The following OSMR variants were observed in gnomAD, a reference collection of about 807,000 sequenced individuals.
The protein encoded by OSMR is oncostatin-M-specific receptor subunit beta.
In OSMR, 81 loss-of-function variants were observed where a neutral mutation model predicts 99.9. That is an observed-to-expected ratio of 0.81 (90% CI 0.68 to 0.97). OSMR has a LOEUF of 0.97. Ranked by LOEUF, OSMR falls within the 50% of genes least tolerant of loss-of-function variation. The probability of loss-of-function intolerance (pLI) is 0.00; values close to 1 mark genes in which losing one functional copy is unlikely to be tolerated. For synonymous variants in OSMR, 406 were observed against 410.4 expected (o/e 0.99, Z 0.13); for missense variants, 1,099 against 1,153.4 (o/e 0.95, Z 0.68).
At chr5:38,941,688 CAT>C (rs749916920) in intron 1 of OSMR, 1 of 232,102 alleles carries the variant, frequency 4.3e-6, no homozygotes, top group African/African-American at 2.2e-5. Context: ...AGTCTAGTAA[CAT>C]AAAAATAACT....
At chr5:38,921,522 C>G (rs562674951) in intron 11 of OSMR, 93 bp from the exon 12 acceptor site, 1 of 1,589,062 alleles carries the variant, frequency 6.3e-7, no homozygotes, top group African/African-American at 1.4e-5. Flanking sequence ...CTACTAGATA[C>G]AGTGCATGTA....
intron 9 of OSMR, among the ~76,000 whole-genome samples, chr5:38,910,843 T>C (rs1184499160): frequency 6.6e-6 from 1 of 152,074 alleles, no homozygotes; most frequent in African/African-American, 2.4e-5. Context: ...ACCCCATCTC[T>C]ACTAAAAAAT....
intron 7 of OSMR, among the ~76,000 whole-genome samples, chr5:38,899,035 A>G (rs536004991): frequency 2.4e-3 from 321 of 134,996 alleles, no homozygotes; most frequent in Non-Finnish European, 3.7e-3. Context: ...ATTTTAGCTC[A>G]CTGCAACCTC....
At chr5:38,882,829 CT>C (rs1176737741) in intron 4 of OSMR, among the ~76,000 whole-genome samples, 1 of 152,192 alleles carries the variant, frequency 6.6e-6, no homozygotes. Context: ...AAAAGGACTT[CT>C]TATCCTCGCT....
At chr5:38,932,774 A>G (rs1746819143) in intron 17 of OSMR, 98 bp from the exon 18 acceptor site, 1 of 1,565,746 alleles carries the variant, frequency 6.4e-7, no homozygotes, top group African/African-American at 1.4e-5. Context: ...CATGAAGAAC[A>G]TTGAAGCTCT....
chr5:38,936,927 T>C (rs1437707317), downstream of OSMR, among the ~76,000 whole-genome samples: 1 of 152,264 alleles, frequency 6.6e-6, no homozygotes, highest in African/African-American at 2.4e-5. Flanking sequence ...GAGTATTTTA[T>C]ATGCTAAAGT....
At chr5:38,922,779 T>G (rs1746295392) in intron 12 of OSMR, among the ~76,000 whole-genome samples, 1 of 152,106 alleles carries the variant, frequency 6.6e-6, no homozygotes, top group Non-Finnish European at 1.5e-5. Flanking sequence ...CATTCTTTTT[T>G]GGGGGGTGTG....
At chr5:38,901,432 C>T (rs989629693) in intron 7 of OSMR, among the ~76,000 whole-genome samples, 46 of 152,258 alleles carry the variant, frequency 3.0e-4, no homozygotes, top group Admixed American at 2.4e-3. Context: ...ATTTAATAAT[C>T]GAGCTCTGTT....
chr5:38,917,687 T>A (rs1745989008), intron 10 of OSMR, 65 bp downstream of exon 10: 1 of 1,307,070 alleles, frequency 7.7e-7, no homozygotes, highest in Non-Finnish European at 1.1e-6. Context: ...AACAAATGTG[T>A]CTTCCTCTGG....
intron 9 of OSMR, among the ~76,000 whole-genome samples, chr5:38,906,730 C>T (rs1473621495): frequency 1.3e-5 from 2 of 151,996 alleles, no homozygotes. Context: ...AAATAAAAAA[C>T]TTAAATGTCA....
chr5:38,925,403 A>G, intron 15 of OSMR, 32 bp downstream of exon 15: 1 of 1,586,856 alleles, frequency 6.3e-7, no homozygotes, highest in Admixed American at 1.7e-5. Flanking sequence ...TTCTTCCCTT[A>G]GGAGTTTCTG....
chr5:38,920,224 G>T (rs1746166731), intron 11 of OSMR, among the ~76,000 whole-genome samples: 1 of 152,132 alleles, frequency 6.6e-6, no homozygotes, highest in Non-Finnish European at 1.5e-5. Context: ...AGAGGCTCCA[G>T]CTAGCTATCC....
chr5:38,885,938 T>TA, intron 6 of OSMR, 101 bp from the exon 7 acceptor site: 1 of 1,523,688 alleles, frequency 6.6e-7, no homozygotes, highest in East Asian at 2.4e-5. Context: ...GGGAACATAG[T>TA]TTGACAGTCA....
chr5:38,910,458 G>A lies in OSMR; in HGVS notation c.1285+5955G>A, dbSNP rs555212793. Among the ~76,000 whole-genome samples, 5 of 152,142 alleles carry A rather than the reference G, an allele frequency of 3.3e-5. No individual in the cohort carries two copies. The East Asian group carries it at 7.7e-4, about 23-fold the overall frequency. On this transcript the variant is annotated intron_variant, in intron 9 of 17. Coordinates refer to ENST00000274276, the MANE Select transcript of OSMR (RefSeq NM_003999.3). Reference sequence around the variant, plus strand: ...TACTCTAAAACTGACTTCACAATTAGACATAAAACAATCCTCAGCAAATTA... The same window carrying A: ...TACTCTAAAACTGACTTCACAATTAAACATAAAACAATCCTCAGCAAATTA...
intron 1 of OSMR, chr5:38,943,157 GGTTT>G (rs1462257318): frequency 3.3e-6 from 1 of 305,982 alleles, no homozygotes; most frequent in African/African-American, 3.9e-5. Context: ...TCTGAGTTTG[GGTTT>G]TTTTTTAAAA....
intron 1 of OSMR, among the ~76,000 whole-genome samples, chr5:38,866,157 G>A (rs76924632): frequency 7.4e-4 from 113 of 152,306 alleles, no homozygotes; most frequent in African/African-American, 2.5e-3. Flanking sequence ...CCAGGCCCCC[G>A]CTTCATGTGT....
intron 1 of OSMR, among the ~76,000 whole-genome samples, chr5:38,856,956 T>A (rs1331922525): frequency 6.6e-6 from 1 of 152,240 alleles, no homozygotes; most frequent in Non-Finnish European, 1.5e-5. Context: ...CAAGACTATC[T>A]TGATGATTCT....
At chr5:38,936,354 C>T (rs1747039445), downstream of OSMR, among the ~76,000 whole-genome samples, 1 of 152,070 alleles carries the variant, frequency 6.6e-6, no homozygotes, top group Admixed American at 6.6e-5. Flanking sequence ...CCTAAAATCA[C>T]AGTAATAATT....
chr5:38,862,732 A>G (rs1317339274), intron 1 of OSMR, among the ~76,000 whole-genome samples: 1 of 142,976 alleles, frequency 7.0e-6, no homozygotes, highest in African/African-American at 2.7e-5. Flanking sequence ...GGCGGCCGGG[A>G]AGAGGCGCTC....
Sources: allele counts gnomAD v4.1 joint callset (sites outside exome capture counted in the v4.1 genomes callset), GRCh38; gene constraint gnomAD v4.1.1; transcripts MANE v1.5; gene names NCBI Gene and HGNC (gene_info 2026-07-23, HGNC 2026-07-21).